The following RNASET2 variants were observed in gnomAD, a reference collection of about 807,000 sequenced individuals.
The protein encoded by RNASET2 is ribonuclease T2.
In RNASET2, 28 loss-of-function variants were observed where a neutral mutation model predicts 33.9. The observed-to-expected ratio is 0.83, with a 90% CI of 0.61 to 1.13. The LOEUF (loss-of-function observed/expected upper bound fraction) is 1.13. RNASET2 is among the 50% of genes most tolerant of loss of function. The pLI, the probability that RNASET2 is intolerant of heterozygous loss-of-function variation, is 0.00. For synonymous variants in RNASET2, 123 were observed against 121.0 expected, an observed-to-expected ratio of 1.02 and a Z score of -0.11; for missense variants, 330 against 319.9, an observed-to-expected ratio of 1.03 and a Z score of -0.24.
intron 2 of RNASET2, among the ~76,000 whole-genome samples, chr6:166,950,935 G>T (rs1048439942): frequency 6.6e-6 from 1 of 152,222 alleles, no homozygotes; most frequent in African/African-American, 2.4e-5. Flanking sequence ...ACGAGAGATT[G>T]TAGAAATAAA....
At position 166,924,930 on chromosome 6, in the gene RNASET2, A is replaced by G. The variant is rs535311966; in HGVS notation, c.*4658T>C. Among the ~76,000 whole-genome samples the G allele has an allele frequency of 2.6e-5, 4 of 152,256 alleles. No homozygotes were observed. Among genetic ancestry groups the G allele is most frequent in the Non-Finnish European group, 4.4e-5 (3 of 68,002 alleles). The stretch of plus-strand genomic sequence containing the variant: ...ATAGGAAGGGTTGAAAAAAGTGTGG[A>G]ATGAATCAATAAACAGCTCTTGATT... On this transcript the variant is annotated 3_prime_UTR_variant, in exon 9 of 9. Coordinates refer to ENST00000508775, the MANE Select transcript of RNASET2 (RefSeq NM_003730.6).
In RNASET2 at chr6:166,946,735, C is replaced by T. The variant is rs754155291; in HGVS notation, c.208G>A (p.Asp70Asn). Reference protein sequence around the residue: ...DYWTIHGLWPDKSEGCNRSWP... With the variant: ...DYWTIHGLWPNKSEGCNRSWP... ...GATCTATTACATCCTTCACTTTTAT[C>T]GGGCCTGGAAATTCAAATTTAAAAG... Residue 70 changes from aspartate (D) to asparagine (N), a missense_variant, in exon 4 of 9, where the codon GAT becomes AAT. By Grantham distance (23) the Asp-to-Asn change is conservative. Transcript: ENST00000508775. 17 of 1,561,370 alleles carry T rather than the reference C, an allele frequency of 1.1e-5. No homozygotes were observed. The highest frequency in any genetic ancestry group is 1.4e-5 in the African/African-American group (1 of 73,578).
At chr6:166,942,058 C>CTTTTTTTTTT (rs61635852) in intron 5 of RNASET2, among the ~76,000 whole-genome samples, 6,991 of 127,090 alleles carry the variant, frequency 0.055, 863 homozygotes, top group African/African-American at 0.19. Flanking sequence ...AAGACATCTT[C>CTTTTTTTTTT]TTTTTTTTTT....
intron 5 of RNASET2, among the ~76,000 whole-genome samples, chr6:166,941,878 T>TA (rs1179077063): frequency 6.6e-6 from 1 of 152,142 alleles, no homozygotes; most frequent in Non-Finnish European, 1.5e-5. Context: ...TTTATGTTCT[T>TA]AAAAAAGCCA....
chr6:166,934,576 C>T (rs923112077), intron 6 of RNASET2: 4 of 221,458 alleles, frequency 1.8e-5, no homozygotes, highest in Admixed American at 5.3e-5. Flanking sequence ...CCTGCATGTA[C>T]GAGGGCGGTC....
intron 1 of RNASET2, among the ~76,000 whole-genome samples, chr6:166,953,877 C>G (rs1779044683): frequency 7.3e-6 from 1 of 137,022 alleles, no homozygotes; most frequent in Non-Finnish European, 1.5e-5. Flanking sequence ...CAGACCCTGT[C>G]TCAAAAAAAA....
intron 4 of RNASET2, among the ~76,000 whole-genome samples, chr6:166,944,284 C>CA (rs1478962905): frequency 3.3e-5 from 5 of 151,962 alleles, no homozygotes; most frequent in African/African-American, 7.3e-5. Flanking sequence ...CCCTCTACAC[C>CA]AAAAAAACCC....
rs1778301666 is a variant in RNASET2, at chr6:166,926,206, T to C, written c.*3382A>G. On this transcript the variant is annotated 3_prime_UTR_variant, in exon 9 of 9. Coordinates refer to ENST00000508775, the MANE Select transcript of RNASET2 (RefSeq NM_003730.6). ...TACCTGGAATAAGCGGATGGTGATG[T>C]CATTCACCGAGATGGAGGCAAAAGT... Among the ~76,000 whole-genome samples the C allele has an allele frequency of 6.6e-6, 1 of 151,816 alleles. No individual in the cohort carries two copies. Among genetic ancestry groups the C allele is most frequent in the Admixed American group, 6.6e-5 (1 of 15,240 alleles).
In RNASET2 at chr6:166,948,570, C is replaced by T. The variant is rs1242789738; in HGVS notation, c.203G>A (p.Trp68Ter). Residue 68 changes from tryptophan (W) to a stop codon, truncating the protein, a stop_gained and splice_region_variant, in exon 3 of 9, where the codon TGG (tryptophan) becomes TAG (stop). Transcript: ENST00000508775. LOFTEE classifies it high-confidence loss of function. ...AGATTTAATTGTGTGAGACACTTGC[C>T]ATAGTCCATGTATTGTCCAGTAATC... ...PPDYWTIHGL[W>*]PDKSEGCNRS... is the part of the protein sequence containing the mutation. 3 of 1,593,068 alleles carry T rather than the reference C, an allele frequency of 1.9e-6. No individual in the cohort carries two copies. In the South Asian group the frequency reaches 3.3e-5, roughly 18 times the overall value.
chr6:166,943,144 A>G (rs1778733562), intron 4 of RNASET2, 55 bp from the exon 5 acceptor site: 3 of 1,308,028 alleles, frequency 2.3e-6, no homozygotes, highest in Non-Finnish European at 2.2e-6. Context: ...TAAACTCAAA[A>G]CCTAGAAGGT....
At chr6:166,930,681 A>ATG (rs1158438756) in intron 8 of RNASET2, among the ~76,000 whole-genome samples, 1 of 148,952 alleles carries the variant, frequency 6.7e-6, no homozygotes, top group East Asian at 2.0e-4. Flanking sequence ...ATGTATACTC[A>ATG]TGCGCATACA....
chr6:166,927,736 A>AAAAAAAAAAT lies in RNASET2; in HGVS notation c.*1851_*1852insATTTTTTTTT, dbSNP rs1778329635. Among the ~76,000 whole-genome samples the AAAAAAAAAAT allele has an allele frequency of 6.7e-6, 1 of 150,358 alleles. No homozygotes were observed. The highest frequency in any genetic ancestry group is 1.5e-5 in the Non-Finnish European group (1 of 67,600). ...CTCAAAAAAAAAAAAAAAAAAAAAA[A>AAAAAAAAAAT]GAATTGACATCATTTAAAGGACTCT... On this transcript the variant is annotated 3_prime_UTR_variant, in exon 9 of 9. Transcript: ENST00000508775.
chr6:166,946,478 G>A (rs1475985000), intron 4 of RNASET2, among the ~76,000 whole-genome samples: 1 of 152,264 alleles, frequency 6.6e-6, no homozygotes, highest in African/African-American at 2.4e-5. Context: ...ACAGGGCAGG[G>A]GAGGGGAGGA....
chr6:166,952,718 C>A, intron 1 of RNASET2, 170 bp from the exon 2 acceptor site: 1 of 641,112 alleles, frequency 1.6e-6, no homozygotes, highest in Non-Finnish European at 2.9e-6. Context: ...CGGTACACCC[C>A]TACACTAAGA....
chr6:166,947,898 A>C (rs1778886391), intron 3 of RNASET2, among the ~76,000 whole-genome samples: 1 of 152,218 alleles, frequency 6.6e-6, no homozygotes, highest in Admixed American at 6.5e-5. Context: ...ACAAAACCAG[A>C]ATAATAAATT....
At chr6:166,947,532 C>T (rs895989752) in intron 3 of RNASET2, among the ~76,000 whole-genome samples, 7 of 152,182 alleles carry the variant, frequency 4.6e-5, no homozygotes, top group South Asian at 4.1e-4. Flanking sequence ...AGAAATGAAA[C>T]GGCCATGATG....
chr6:166,938,490 T>C, intron 6 of RNASET2: 1 of 520,808 alleles, frequency 1.9e-6, no homozygotes, highest in Non-Finnish European at 3.8e-6. Context: ...TGCCTGCTTG[T>C]TCCAGGAGTT....
At position 166,956,346 on chromosome 6, in the gene RNASET2, C is replaced by T. The variant is rs1010719856; in HGVS notation, c.-164G>A. 4.5e-6 allele frequency: 3 copies of T among 667,822 alleles called. No individual in the cohort carries two copies. Among genetic ancestry groups the T allele is most frequent in the Non-Finnish European group, 7.8e-6 (3 of 383,490 alleles). The allele number at this position is 667,822 out of a possible 1,614,324, so 41.4% of individuals were successfully genotyped here. A position where few individuals can be genotyped will look rare whatever the true frequency, so the allele number is the denominator to read the frequency against. On this transcript the variant is annotated 5_prime_UTR_variant, in exon 1 of 9. Transcript: ENST00000508775. ...ACCGGGTGCGCCCGGAGCCCTGGGACGGCCTAAACCAGTATCTCGCGGGCC... is the reference window on the plus strand; with the variant it reads ...ACCGGGTGCGCCCGGAGCCCTGGGATGGCCTAAACCAGTATCTCGCGGGCC...
chr6:166,955,271 GCGCACA>G (rs1779103531), intron 1 of RNASET2, among the ~76,000 whole-genome samples: 1 of 88,024 alleles, frequency 1.1e-5, no homozygotes, highest in African/African-American at 5.0e-5. Context: ...ACACACACAC[GCGCACA>G]CACGACACAC....
Sources: gnomAD v4.1 joint callset for allele counts (sites outside exome capture counted in the v4.1 genomes callset) on GRCh38, gnomAD v4.1.1 for gene constraint, MANE v1.5 for transcripts, NCBI Gene and HGNC (gene_info 2026-07-23, HGNC 2026-07-21) for gene names.